Variants in GABBR2 observed in about 807,000 individuals in gnomAD.
The protein encoded by GABBR2 is gamma-aminobutyric acid type B receptor subunit 2, also known as G-protein coupled receptor 51.
A neutral mutation model predicts 105.6 loss-of-function variants in GABBR2; 23 were observed. The ratio of observed to expected loss-of-function variants is 0.22; its 90% confidence interval spans 0.16 to 0.31. GABBR2 has a LOEUF of 0.31. GABBR2 is among the 10% of genes least tolerant of loss of function. GABBR2 has a pLI of 1.00. For missense variants in GABBR2, 734 were observed against 1,245.5 expected (o/e 0.59, Z 6.18); for synonymous variants, 478 against 499.7 (o/e 0.96, Z 0.58).
intron 1 of GABBR2, among the ~76,000 whole-genome samples, chr9:98,667,581 G>C (rs1167008703): frequency 6.6e-6 from 1 of 152,090 alleles, no homozygotes; most frequent in Non-Finnish European, 1.5e-5. Flanking sequence ...AAATCTGAAG[G>C]GCTCTCCCAC....
At chr9:98,560,710 T>G (rs941995365) in intron 2 of GABBR2, among the ~76,000 whole-genome samples, 1 of 149,612 alleles carries the variant, frequency 6.7e-6, no homozygotes, top group Non-Finnish European at 1.5e-5. Context: ...TTTCCACATC[T>G]GCTTTCCTCT....
intron 2 of GABBR2, among the ~76,000 whole-genome samples, chr9:98,549,871 A>G (rs538634914): frequency 1.3e-5 from 2 of 152,274 alleles, no homozygotes; most frequent in Non-Finnish European, 2.9e-5. Context: ...GGTACTACCC[A>G]ATCTACGACC....
chr9:98,401,039 G>T (rs1832386309), intron 8 of GABBR2, among the ~76,000 whole-genome samples: 2 of 151,890 alleles, frequency 1.3e-5, no homozygotes, highest in African/African-American at 2.4e-5. Flanking sequence ...TCGGGGGAGA[G>T]TGTAAATCTG....
chr9:98,359,430 CA>C (rs1262715328), intron 13 of GABBR2, among the ~76,000 whole-genome samples: 2 of 151,462 alleles, frequency 1.3e-5, no homozygotes, highest in South Asian at 2.1e-4. Flanking sequence ...ACTCTGTCTC[CA>C]AAAAAATAAA....
At chr9:98,650,826 T>A (rs1213213010) in intron 1 of GABBR2, among the ~76,000 whole-genome samples, 2 of 152,218 alleles carry the variant, frequency 1.3e-5, no homozygotes, top group African/African-American at 4.8e-5. Flanking sequence ...AAAAAGCCAG[T>A]CAACTATATT....
intron 3 of GABBR2, among the ~76,000 whole-genome samples, chr9:98,508,204 C>G (rs1464943174): frequency 6.6e-6 from 1 of 152,152 alleles, no homozygotes; most frequent in Non-Finnish European, 1.5e-5. Context: ...CCTCTGACAC[C>G]AAACTAGAAG....
At chr9:98,402,541 G>A (rs1179508757) in intron 8 of GABBR2, among the ~76,000 whole-genome samples, 1 of 152,140 alleles carries the variant, frequency 6.6e-6, no homozygotes, top group Non-Finnish European at 1.5e-5. Flanking sequence ...AGGGGAAGAA[G>A]GCATGCAGTT....
At chr9:98,343,661 C>G (rs1831253206) in intron 13 of GABBR2, among the ~76,000 whole-genome samples, 1 of 152,094 alleles carries the variant, frequency 6.6e-6, no homozygotes, top group Admixed American at 6.5e-5. Context: ...AGTTTGAGAC[C>G]AGCCTGATTA....
chr9:98,434,506 A>T (rs1168846178), intron 7 of GABBR2, among the ~76,000 whole-genome samples: 2 of 152,190 alleles, frequency 1.3e-5, no homozygotes, highest in East Asian at 3.8e-4. Flanking sequence ...ACCCATTACC[A>T]TGGCATAAAT....
rs1477366387 is a variant in GABBR2, at chr9:98,514,171, G to A, written c.631-17657C>T. On this transcript the variant is annotated intron_variant, in intron 3 of 18. Coordinates refer to ENST00000259455, the MANE Select transcript of GABBR2 (RefSeq NM_005458.8). ...TCGCAAGAACAAAAAACCAAACACC[G>A]CATATTCTCACTCATAGGTGGGAAT... Among the ~76,000 whole-genome samples, 7 of 131,982 alleles carry A rather than the reference G, an allele frequency of 5.3e-5. 1 individual carries two copies. Among genetic ancestry groups the A allele is most frequent in the South Asian group, 4.8e-4 (2 of 4,174 alleles). The allele number at this position is 131,982 out of a possible 152,430, so 86.6% of individuals were successfully genotyped here. A position where few individuals can be genotyped will look rare whatever the true frequency, so the allele number is the denominator to read the frequency against.
chr9:98,408,551 C>T (rs1286635176), intron 7 of GABBR2, among the ~76,000 whole-genome samples: 1 of 152,168 alleles, frequency 6.6e-6, no homozygotes, highest in Non-Finnish European at 1.5e-5. Context: ...AGGTGGTTCT[C>T]AAGAAGTTCT....
intron 7 of GABBR2, among the ~76,000 whole-genome samples, chr9:98,421,096 G>A (rs1832775816): frequency 6.6e-6 from 1 of 152,174 alleles, no homozygotes; most frequent in South Asian, 2.1e-4. Flanking sequence ...AGGTGTCCCA[G>A]GGTACTAGAG....
At chr9:98,665,302 CGCTT>C (rs1830319862) in intron 1 of GABBR2, among the ~76,000 whole-genome samples, 1 of 151,476 alleles carries the variant, frequency 6.6e-6, no homozygotes, top group South Asian at 2.1e-4. Context: ...CTCTCTCTCT[CGCTT>C]GCTCAACAAA....
intron 13 of GABBR2, among the ~76,000 whole-genome samples, chr9:98,340,542 A>G (rs1831194379): frequency 6.6e-6 from 1 of 152,020 alleles, no homozygotes; most frequent in African/African-American, 2.4e-5. Flanking sequence ...TTACAGGCAT[A>G]AGCCACCACG....
chr9:98,629,632 T>C (rs763203837), intron 1 of GABBR2, among the ~76,000 whole-genome samples: 16 of 152,206 alleles, frequency 1.1e-4, no homozygotes, highest in Non-Finnish European at 1.9e-4. Context: ...CCCTTCCCCA[T>C]GTACATATGA....
intron 7 of GABBR2, among the ~76,000 whole-genome samples, chr9:98,439,036 C>T (rs1825983385): frequency 6.6e-6 from 1 of 151,980 alleles, no homozygotes; most frequent in Non-Finnish European, 1.5e-5. Flanking sequence ...ATACGTGTGC[C>T]ACCCTCATGG....
At chr9:98,506,644 G>T (rs775464531) in intron 3 of GABBR2, among the ~76,000 whole-genome samples, 1 of 152,206 alleles carries the variant, frequency 6.6e-6, no homozygotes, top group Non-Finnish European at 1.5e-5. Flanking sequence ...TGCTCTGGGG[G>T]CACCCCTGTG....
At chr9:98,418,972 T>C (rs1392113613) in intron 7 of GABBR2, among the ~76,000 whole-genome samples, 1 of 152,264 alleles carries the variant, frequency 6.6e-6, no homozygotes, top group African/African-American at 2.4e-5. Context: ...GGTTCTATTT[T>C]TGTTAAATAG....
At chr9:98,386,487 C>T (rs1832074773) in intron 10 of GABBR2, among the ~76,000 whole-genome samples, 1 of 152,178 alleles carries the variant, frequency 6.6e-6, no homozygotes, top group South Asian at 2.1e-4. Flanking sequence ...GCAACCCACC[C>T]ACTACCCCTG....
Sources: gnomAD v4.1 joint callset for allele counts (sites outside exome capture counted in the v4.1 genomes callset) on GRCh38, gnomAD v4.1.1 for gene constraint, MANE v1.5 for transcripts, NCBI Gene and HGNC (gene_info 2026-07-23, HGNC 2026-07-21) for gene names.